The following WDPCP variants were observed in gnomAD, a reference collection of about 807,000 sequenced individuals.
The protein encoded by WDPCP is WD repeat containing planar cell polarity effector, also known as WD repeat-containing and planar cell polarity effector protein fritz homolog.
A neutral mutation model predicts 93.1 loss-of-function variants in WDPCP; 71 were observed. That is an observed-to-expected ratio of 0.76 (90% CI 0.63 to 0.93). WDPCP has a LOEUF of 0.93. Among genes scored for constraint, WDPCP ranks in the 40% least tolerant of loss-of-function variants. The pLI is 0.00. For synonymous variants in WDPCP, 315 were observed against 315.0 expected, an observed-to-expected ratio of 1.00 and a Z score of 0.00; for missense variants, 844 against 887.4, an observed-to-expected ratio of 0.95 and a Z score of 0.62.
At chr2:63,691,372 T>C (rs1668885569) in intron 2 of WDPCP, among the ~76,000 whole-genome samples, 2 of 152,204 alleles carry the variant, frequency 1.3e-5, no homozygotes, top group Admixed American at 1.3e-4. Flanking sequence ...CAGTGGCTCA[T>C]GCCTATAATC....
At chr2:63,649,273 T>C (rs78556419) in intron 3 of WDPCP, among the ~76,000 whole-genome samples, 2,401 of 152,318 alleles carry the variant, frequency 0.016, 65 homozygotes, top group African/African-American at 0.055. Flanking sequence ...TTTCATTTCA[T>C]GGACATTTCA....
chr2:63,450,177 C>T (rs1272780672), intron 6 of WDPCP, among the ~76,000 whole-genome samples: 1 of 152,200 alleles, frequency 6.6e-6, no homozygotes, highest in Non-Finnish European at 1.5e-5. Context: ...CCACACACCA[C>T]TGCAGGCATA....
At chr2:63,413,352 A>G (rs1181477062) in intron 9 of WDPCP, among the ~76,000 whole-genome samples, 1 of 152,218 alleles carries the variant, frequency 6.6e-6, no homozygotes, top group Non-Finnish European at 1.5e-5. Context: ...CTCATCTCTC[A>G]CCTTGTACAA....
chr2:63,314,385 G>T (rs116473556), intron 12 of WDPCP, among the ~76,000 whole-genome samples: 1 of 151,954 alleles, frequency 6.6e-6, no homozygotes, highest in Non-Finnish European at 1.5e-5. Context: ...GCCCAGGCTG[G>T]TCTCAAATTC....
intron 2 of WDPCP, among the ~76,000 whole-genome samples, chr2:63,680,843 G>C (rs891597843): frequency 2.0e-5 from 3 of 152,096 alleles, no homozygotes; most frequent in Non-Finnish European, 1.5e-5. Context: ...CTTGAATCTT[G>C]GATATCAGCT....
At chr2:63,597,714 C>A in intron 3 of WDPCP, 1 of 666,378 alleles carries the variant, frequency 1.5e-6, no homozygotes, top group Non-Finnish European at 2.2e-6. Context: ...TAGAGTTTTG[C>A]TTGATAAGCT....
intron 1 of WDPCP, among the ~76,000 whole-genome samples, chr2:63,493,676 T>C (rs771315026): frequency 3.3e-5 from 5 of 151,914 alleles, no homozygotes; most frequent in South Asian, 2.1e-4. Flanking sequence ...TTTAGACTGA[T>C]TGGGAGAAGG....
At chr2:63,652,217 C>T (rs757023809) in intron 2 of WDPCP, among the ~76,000 whole-genome samples, 3 of 152,210 alleles carry the variant, frequency 2.0e-5, no homozygotes, top group Non-Finnish European at 4.4e-5. Context: ...GCTCCCTGGC[C>T]ACCCACACAG....
intron 12 of WDPCP, among the ~76,000 whole-genome samples, chr2:63,372,825 A>G (rs1210257472): frequency 6.6e-6 from 1 of 152,068 alleles, no homozygotes; most frequent in African/African-American, 2.4e-5. Flanking sequence ...GACTATTTGT[A>G]TTACATTACC....
At chr2:63,252,390 A>G (rs1680804402) in intron 14 of WDPCP, among the ~76,000 whole-genome samples, 1 of 152,138 alleles carries the variant, frequency 6.6e-6, no homozygotes, top group African/African-American at 2.4e-5. Flanking sequence ...AGATGCCCAC[A>G]CTCATCATTC....
intron 10 of WDPCP, among the ~76,000 whole-genome samples, chr2:63,397,140 T>C (rs917706399): frequency 2.6e-5 from 4 of 151,930 alleles, no homozygotes; most frequent in African/African-American, 4.8e-5. Flanking sequence ...CATGGTAAAA[T>C]AGAGAAGGTC....
At chr2:63,770,331 T>G (rs930717008) in intron 2 of WDPCP, among the ~76,000 whole-genome samples, 11 of 151,976 alleles carry the variant, frequency 7.2e-5, no homozygotes, top group Non-Finnish European at 1.3e-4. Context: ...GAAAAATATT[T>G]GTATCCTTAA....
At chr2:63,377,626 T>A (rs1235051300) in intron 12 of WDPCP, among the ~76,000 whole-genome samples, 1 of 151,582 alleles carries the variant, frequency 6.6e-6, no homozygotes, top group African/African-American at 2.4e-5. Flanking sequence ...ATTATATGCT[T>A]ATTTTATCAT....
chr2:63,344,279 C>CT (rs1689042051), intron 12 of WDPCP, among the ~76,000 whole-genome samples: 1 of 152,172 alleles, frequency 6.6e-6, no homozygotes, highest in Non-Finnish European at 1.5e-5. Flanking sequence ...TTCATTATCT[C>CT]TGTCATTAGC....
intron 2 of WDPCP, among the ~76,000 whole-genome samples, chr2:63,775,855 G>A (rs1376520934): frequency 6.6e-6 from 1 of 152,112 alleles, no homozygotes; most frequent in African/African-American, 2.4e-5. Context: ...CTTATTTCAA[G>A]ACTTACTGAA....
chr2:63,211,232 C>T (rs913003459), intron 14 of WDPCP, among the ~76,000 whole-genome samples: 2 of 152,186 alleles, frequency 1.3e-5, no homozygotes, highest in African/African-American at 4.8e-5. Flanking sequence ...ACACCTCATA[C>T]AGCCGGCCAG....
intron 14 of WDPCP, among the ~76,000 whole-genome samples, chr2:63,188,627 C>CCTGG (rs370593524): frequency 3.6e-4 from 55 of 151,960 alleles, no homozygotes; most frequent in African/African-American, 1.2e-3. Context: ...AGCCATCATG[C>CCTGG]CTGGCTTTAT....
rs1184459708 is a variant in WDPCP at position 63,572,813 on chromosome 2, G to GT, written c.75+15383dup. On this transcript the variant is annotated intron_variant, in intron 1 of 17. Transcript: ENST00000272321. Reference sequence around the variant, plus strand: ...TTTGTAAAAATAACTTGTCATGCTTGTTTTTTCCTTGGTTCAATGCTTCTA... The same window carrying GT: ...TTTGTAAAAATAACTTGTCATGCTTGTTTTTTTCCTTGGTTCAATGCTTCTA... Among the ~76,000 whole-genome samples the GT allele has an allele frequency of 4.7e-5, 7 of 149,602 alleles. No homozygotes were observed. The East Asian group carries it at 1.2e-3, about 26-fold the overall frequency.
intron 14 of WDPCP, among the ~76,000 whole-genome samples, chr2:63,187,043 G>A (rs1674696170): frequency 6.6e-6 from 1 of 151,976 alleles, no homozygotes; most frequent in Non-Finnish European, 1.5e-5. Context: ...TAAGAGCTCT[G>A]ATATTTAGTG....
Sources: allele counts gnomAD v4.1 joint callset (sites outside exome capture counted in the v4.1 genomes callset), GRCh38; gene constraint gnomAD v4.1.1; transcripts MANE v1.5; gene names NCBI Gene and HGNC (gene_info 2026-07-23, HGNC 2026-07-21).